Variants in MALRD1 observed in about 807,000 individuals in gnomAD.
MALRD1 encodes MAM and LDL receptor class A domain containing 1.
In MALRD1, 247 loss-of-function variants were observed where a neutral mutation model predicts 242.1. The ratio of observed to expected loss-of-function variants is 1.02; its 90% CI spans 0.92 to 1.13. The LOEUF is 1.13. Among genes scored for constraint, MALRD1 ranks in the 50% most tolerant of loss-of-function variants. MALRD1 has a pLI of 0.00. For missense variants in MALRD1, 2,989 were observed against 2,533.1 expected (o/e 1.18, Z -3.86); for synonymous variants, 995 against 866.6 (o/e 1.15, Z -2.60).
At chr10:19,638,384 A>T (rs1264958014) in intron 36 of MALRD1, among the ~76,000 whole-genome samples, 1 of 152,144 alleles carries the variant, frequency 6.6e-6, no homozygotes, top group African/African-American at 2.4e-5. Flanking sequence ...AAAGTGACAG[A>T]CACTCTATTA....
chr10:19,727,281 TTG>T (rs1315819497), intron 38 of MALRD1, among the ~76,000 whole-genome samples: 2 of 152,194 alleles, frequency 1.3e-5, no homozygotes, highest in African/African-American at 4.8e-5. Context: ...AGATTGGTTT[TTG>T]TTTTATTCTT....
chr10:19,630,411 G>T (rs142590419), intron 36 of MALRD1, among the ~76,000 whole-genome samples: 144 of 152,156 alleles, frequency 9.5e-4, no homozygotes, highest in African/African-American at 3.4e-3. Flanking sequence ...TGAGGACTAA[G>T]GTAGCATGCT....
intron 4 of MALRD1, among the ~76,000 whole-genome samples, chr10:19,101,319 A>G (rs2131328467): frequency 6.9e-6 from 1 of 145,868 alleles, no homozygotes; most frequent in East Asian, 2.0e-4. Flanking sequence ...ATAAATAGAT[A>G]TTTTGAATCA....
Position 19,276,989 on chromosome 10 carries a change from G to A in MALRD1, c.3080-3058G>A, listed in dbSNP as rs537963918. 1.1e-4 allele frequency among the ~76,000 whole-genome samples: 17 copies of A among 151,978 alleles called. 1 individual carries two copies. In the South Asian group the frequency reaches 2.1e-3, roughly 19 times the overall value. On this transcript the variant is annotated intron_variant, in intron 19 of 39. Transcript: ENST00000454679. The stretch of plus-strand genomic sequence containing the variant: ...GACCAGAGTGCAGTGGTGTGATATC[G>A]GCTCACTGCAGCCTCAACCTCCCCA...
chr10:19,285,418 T>C (rs916270539), intron 21 of MALRD1, among the ~76,000 whole-genome samples: 2 of 150,262 alleles, frequency 1.3e-5, no homozygotes, highest in South Asian at 4.3e-4. Context: ...CCATCTTGAA[T>C]TGATTTTTGT....
chr10:19,719,237 T>TACATAC (rs1286755272), intron 38 of MALRD1, among the ~76,000 whole-genome samples: 14 of 124,916 alleles, frequency 1.1e-4, no homozygotes, highest in African/African-American at 2.2e-4. Context: ...TATATATATA[T>TACATAC]ATATATATAT....
In MALRD1 at chr10:19,204,944, C is replaced by A. The variant is rs748360141; in HGVS notation, c.2257C>A (p.His753Asn). Residue 753 changes from histidine (H) to asparagine (N), a missense_variant, in exon 17 of 40, where the codon CAT becomes AAT. His to Asn is a moderately conservative substitution (Grantham distance 68, BLOSUM62 1). Transcript: ENST00000454679. ...LSVGAAELQL[H>N]MENSHDSTVI... ...AGTGGGAGCAGCTGAGCTGCAGCTACATATGGAAAATTCTCATGACTCAAC... is the reference window on the plus strand; with the variant it reads ...AGTGGGAGCAGCTGAGCTGCAGCTAAATATGGAAAATTCTCATGACTCAAC... 6.5e-7 allele frequency: 1 copy of A among 1,550,306 alleles called. No homozygotes were observed. Among genetic ancestry groups the A allele is most frequent in the South Asian group, 1.2e-5 (1 of 84,052 alleles).
intron 28 of MALRD1, among the ~76,000 whole-genome samples, chr10:19,445,421 CT>C (rs1201560293): frequency 6.6e-6 from 1 of 152,166 alleles, no homozygotes; most frequent in Admixed American, 6.5e-5. Flanking sequence ...CTTTTCTGCT[CT>C]GGTTTCTCCC....
At chr10:19,205,321 A>C (rs1312402788) in intron 17 of MALRD1, 56 bp downstream of exon 17, 1 of 1,472,766 alleles carries the variant, frequency 6.8e-7, no homozygotes, top group Non-Finnish European at 9.0e-7. Flanking sequence ...GTTGACCTTG[A>C]TGAATTCACT....
intron 18 of MALRD1, among the ~76,000 whole-genome samples, chr10:19,237,582 AAT>A (rs1166711927): frequency 3.8e-4 from 5 of 13,276 alleles, no homozygotes; most frequent in African/African-American, 2.1e-3. Flanking sequence ...ATATAATTAT[AAT>A]TATATAATTA....
At chr10:19,353,527 G>C (rs1844490061) in intron 26 of MALRD1, among the ~76,000 whole-genome samples, 1 of 152,124 alleles carries the variant, frequency 6.6e-6, no homozygotes, top group East Asian at 1.9e-4. Flanking sequence ...TGGTTACAAA[G>C]AAGTTTCTAG....
chr10:19,622,102 G>T (rs2131625660), intron 36 of MALRD1, among the ~76,000 whole-genome samples: 1 of 151,432 alleles, frequency 6.6e-6, no homozygotes, highest in African/African-American at 2.4e-5. Flanking sequence ...ATTAAAATTA[G>T]AAACAAAGCA....
chr10:19,088,113 G>A lies in MALRD1; in HGVS notation c.525G>A (p.Trp175Ter). 8.1e-7 allele frequency: 1 copy of A among 1,233,460 alleles called. No homozygotes were observed. The highest frequency in any genetic ancestry group is 4.1e-5 in the South Asian group (1 of 24,400). 76.4% of individuals were successfully genotyped at this position (1,233,460 alleles called of 1,614,324 possible). A position where few individuals can be genotyped will look rare whatever the true frequency, so the allele number is the denominator to read the frequency against. ...GTGGAGGTCCTATTCAGCATTTATG[G>A]CAAAACACAGCTGCACTCCCAAATC... is the stretch of plus-strand genomic sequence containing the variant. ...TACGGPIQHLWQNTAALPNQW... is the reference protein window; with the variant it reads ...TACGGPIQHL The change falls in exon 4 of 40, where the codon TGG becomes TGA. Residue 175 changes from tryptophan (W) to a stop codon, truncating the protein, a stop_gained. Transcript: ENST00000454679. LOFTEE classifies it high-confidence loss of function.
chr10:19,049,684 T>C (rs1834427816), intron 1 of MALRD1, among the ~76,000 whole-genome samples: 1 of 152,178 alleles, frequency 6.6e-6, no homozygotes, highest in Admixed American at 6.5e-5. Flanking sequence ...CCTAGATTTA[T>C]GTCCTGGATG....
chr10:19,554,195 G>A (rs1034263967), intron 32 of MALRD1, among the ~76,000 whole-genome samples: 16 of 152,216 alleles, frequency 1.1e-4, no homozygotes, highest in African/African-American at 3.6e-4. Flanking sequence ...AAAGTAAGGA[G>A]GTTTGTTTTG....
intron 5 of MALRD1, among the ~76,000 whole-genome samples, chr10:19,122,430 C>G (rs1374611458): frequency 6.6e-6 from 1 of 151,994 alleles, no homozygotes; most frequent in Non-Finnish European, 1.5e-5. Flanking sequence ...AAGAAGAGAT[C>G]AAGAAACTGA....
intron 21 of MALRD1, among the ~76,000 whole-genome samples, chr10:19,289,683 C>T (rs1300443791): frequency 1.3e-5 from 2 of 152,112 alleles, no homozygotes; most frequent in African/African-American, 4.8e-5. Flanking sequence ...TACTCTATAG[C>T]TCATAGTAAG....
At chr10:19,619,594 AAACT>A (rs1321989190) in intron 36 of MALRD1, among the ~76,000 whole-genome samples, 1 of 152,120 alleles carries the variant, frequency 6.6e-6, no homozygotes, top group Non-Finnish European at 1.5e-5. Context: ...AAAATGTTTA[AAACT>A]AACACAAAAG....
At chr10:19,711,801 T>TC (rs1377793569) in intron 38 of MALRD1, among the ~76,000 whole-genome samples, 2 of 151,838 alleles carry the variant, frequency 1.3e-5, no homozygotes, top group Non-Finnish European at 2.9e-5. Context: ...GGGAAGAAGG[T>TC]TTTAATGGGG....
Sources: gnomAD v4.1 joint callset for allele counts (sites outside exome capture counted in the v4.1 genomes callset) on GRCh38, gnomAD v4.1.1 for gene constraint, MANE v1.5 for transcripts, NCBI Gene and HGNC (gene_info 2026-07-23, HGNC 2026-07-21) for gene names.